The following MAPK10 variants were observed in gnomAD, a reference collection of about 807,000 sequenced individuals.
MAPK10 encodes the protein mitogen-activated protein kinase 10.
In MAPK10, 25 loss-of-function variants were observed where a neutral mutation model predicts 59.3. That is an observed-to-expected ratio of 0.42 (90% CI 0.31 to 0.59). The LOEUF (loss-of-function observed/expected upper bound fraction) is 0.59, where lower values mean the gene tolerates loss of function less well. MAPK10 is among the 20% of genes least tolerant of loss of function. MAPK10 has a pLI of 0.15. For synonymous variants in MAPK10, 190 were observed against 200.5 expected, an observed-to-expected ratio of 0.95 and a Z score of 0.44; for missense variants, 351 against 568.9, an observed-to-expected ratio of 0.62 and a Z score of 3.90.
intron 11 of MAPK10, among the ~76,000 whole-genome samples, chr4:86,063,434 A>C (rs2148985249): frequency 6.6e-6 from 1 of 152,298 alleles, no homozygotes; most frequent in African/African-American, 2.4e-5. Context: ...CAGGTACTCT[A>C]AGAATTTGAG....
intron 1 of MAPK10, among the ~76,000 whole-genome samples, chr4:86,390,777 G>T (rs1447806547): frequency 6.6e-6 from 1 of 152,142 alleles, no homozygotes; most frequent in African/African-American, 2.4e-5. Flanking sequence ...AATCGTGAAG[G>T]TCTGTGTGGA....
intron 4 of MAPK10, among the ~76,000 whole-genome samples, chr4:86,147,611 T>C (rs1008682026): frequency 9.9e-5 from 15 of 152,200 alleles, no homozygotes; most frequent in African/African-American, 2.9e-4. Context: ...CTCTCTTACA[T>C]TGACACCAAA....
chr4:86,431,790 CAT>C (rs1445959847), intron 1 of MAPK10, among the ~76,000 whole-genome samples: 20 of 152,120 alleles, frequency 1.3e-4, no homozygotes, highest in Non-Finnish European at 2.6e-4. Context: ...AAAAGAGAAA[CAT>C]GTGCATTCGC....
At chr4:86,421,584 G>A (rs995267904) in intron 1 of MAPK10, among the ~76,000 whole-genome samples, 3 of 152,122 alleles carry the variant, frequency 2.0e-5, no homozygotes, top group African/African-American at 7.2e-5. Context: ...TTGCCAGCTC[G>A]AGAATGGGTG....
chr4:86,149,754 G>A (rs1258504731), intron 4 of MAPK10, among the ~76,000 whole-genome samples: 1 of 152,134 alleles, frequency 6.6e-6, no homozygotes. Context: ...GCAATTCTGT[G>A]CATACATAGT....
At chr4:86,069,745 G>C (rs1037223652) in intron 9 of MAPK10, among the ~76,000 whole-genome samples, 2 of 151,994 alleles carry the variant, frequency 1.3e-5, no homozygotes, top group Non-Finnish European at 2.9e-5. Flanking sequence ...CTAACCACTC[G>C]ATGTCAAACT....
At chr4:86,370,149 A>G (rs1738533198) in intron 1 of MAPK10, among the ~76,000 whole-genome samples, 1 of 152,184 alleles carries the variant, frequency 6.6e-6, no homozygotes, top group Non-Finnish European at 1.5e-5. Flanking sequence ...AATGTTCTTA[A>G]AGTGTATATT....
At chr4:86,379,729 T>C (rs1280910570) in intron 1 of MAPK10, among the ~76,000 whole-genome samples, 1 of 152,208 alleles carries the variant, frequency 6.6e-6, no homozygotes, top group Non-Finnish European at 1.5e-5. Context: ...TTAGTTAATC[T>C]ATAATCTATA....
chr4:86,230,985 C>T (rs529198414), intron 2 of MAPK10, among the ~76,000 whole-genome samples: 29 of 152,196 alleles, frequency 1.9e-4, no homozygotes, highest in African/African-American at 6.3e-4. Flanking sequence ...GGATGCTGAA[C>T]GAATATCTAA....
At chr4:86,486,312 C>A (rs530590514) in intron 1 of MAPK10, among the ~76,000 whole-genome samples, 1 of 152,208 alleles carries the variant, frequency 6.6e-6, no homozygotes, top group African/African-American at 2.4e-5. Flanking sequence ...AACATACATA[C>A]ATACATACAC....
intron 9 of MAPK10, among the ~76,000 whole-genome samples, chr4:86,070,758 A>AT (rs2047741072): frequency 6.6e-6 from 1 of 150,900 alleles, no homozygotes; most frequent in African/African-American, 2.4e-5. Flanking sequence ...TCCATGGTGT[A>AT]TATGTGCCAC....
intron 2 of MAPK10, among the ~76,000 whole-genome samples, chr4:86,337,164 AT>A (rs1485062593): frequency 6.6e-6 from 1 of 152,196 alleles, no homozygotes; most frequent in Non-Finnish European, 1.5e-5. Context: ...TAGATACTCA[AT>A]AAATATTTGT....
intron 1 of MAPK10, among the ~76,000 whole-genome samples, chr4:86,379,197 G>A (rs535216371): frequency 1.2e-4 from 19 of 152,262 alleles, no homozygotes; most frequent in East Asian, 5.8e-4. Context: ...CTTAAGTCCC[G>A]GCCTAGCAGG....
rs536022284 is a variant in MAPK10, at chr4:86,369,298, A to C, written c.-121-14654T>G. On this transcript the variant is annotated intron_variant, in intron 1 of 13. Transcript: ENST00000361569. ...AAATAAAAGTTTAATAATTTTTTAT[A>C]AACAAGTCTGCCATCACTACTTGCT... 4.6e-5 allele frequency among the ~76,000 whole-genome samples: 7 copies of C among 152,312 alleles called. No individual in the cohort carries two copies. In the South Asian group the frequency reaches 1.5e-3, roughly 32 times the overall value.
intron 2 of MAPK10, among the ~76,000 whole-genome samples, chr4:86,307,411 G>A (rs1427922690): frequency 6.6e-6 from 1 of 152,120 alleles, no homozygotes; most frequent in Non-Finnish European, 1.5e-5. Context: ...GTGGGAACTA[G>A]GGAGTTGAAC....
intron 2 of MAPK10, among the ~76,000 whole-genome samples, chr4:86,311,725 A>G (rs931400132): frequency 6.6e-6 from 1 of 152,116 alleles, no homozygotes; most frequent in Non-Finnish European, 1.5e-5. Flanking sequence ...TAAAAAGAGA[A>G]TCACACTGGT....
chr4:86,472,173 C>A (rs1374332950), intron 1 of MAPK10, among the ~76,000 whole-genome samples: 7 of 152,106 alleles, frequency 4.6e-5, no homozygotes, highest in Non-Finnish European at 1.0e-4. Context: ...GAGAAGCACA[C>A]AAACATTTGA....
At chr4:86,409,078 A>T (rs1162528566) in intron 1 of MAPK10, among the ~76,000 whole-genome samples, 1 of 152,108 alleles carries the variant, frequency 6.6e-6, no homozygotes, top group African/African-American at 2.4e-5. Context: ...TAATTTTTGT[A>T]TAAGGTGTAA....
At chr4:86,194,204 A>G (rs1284932379) in intron 3 of MAPK10, 132 bp downstream of exon 3, 6 of 715,138 alleles carry the variant, frequency 8.4e-6, no homozygotes, top group African/African-American at 1.8e-5. Flanking sequence ...CCGTCTTGCC[A>G]GCTCCTAATT....
Sources: gnomAD v4.1 joint callset for allele counts (sites outside exome capture counted in the v4.1 genomes callset) on GRCh38, gnomAD v4.1.1 for gene constraint, MANE v1.5 for transcripts, NCBI Gene and HGNC (gene_info 2026-07-23, HGNC 2026-07-21) for gene names.